The following ZNF100 variants were observed in gnomAD, a reference collection of about 807,000 sequenced individuals.
ZNF100 encodes zinc finger protein 100 (Y1).
In ZNF100, 12 loss-of-function variants were observed where a neutral mutation model predicts 15.8. The ratio of observed to expected loss-of-function variants is 0.76; its 90% CI spans 0.49 to 1.23. The LOEUF (loss-of-function observed/expected upper bound fraction) is 1.23, where lower values mean the gene tolerates loss of function less well. ZNF100 is among the 50% of genes most tolerant of loss of function. The probability of loss-of-function intolerance (pLI) is 0.00; values close to 1 mark genes in which losing one functional copy is unlikely to be tolerated. For missense variants in ZNF100, 670 were observed against 635.6 expected (o/e 1.05, Z -0.58); for synonymous variants, 226 against 214.8 (o/e 1.05, Z -0.45).
intron 2 of ZNF100, among the ~76,000 whole-genome samples, chr19:21,759,872 T>TA (rs2036451946): frequency 6.6e-6 from 1 of 152,172 alleles, no homozygotes; most frequent in Non-Finnish European, 1.5e-5. Context: ...GCCATTCTCT[T>TA]ATATCTCCAC....
At chr19:21,767,328 G>A in intron 1 of ZNF100, 99 bp downstream of exon 1, 2 of 1,594,618 alleles carry the variant, frequency 1.3e-6, no homozygotes, top group Non-Finnish European at 1.7e-6. Flanking sequence ...AGATTGTGAA[G>A]CTGACTGCGG....
intron 4 of ZNF100, among the ~76,000 whole-genome samples, chr19:21,737,927 A>C (rs1327493522): frequency 6.6e-6 from 1 of 152,112 alleles, no homozygotes; most frequent in South Asian, 2.1e-4. Context: ...AAACAACAAC[A>C]ACAAAAACTT....
chr19:21,728,649 T>C (rs893298095), intron 4 of ZNF100, among the ~76,000 whole-genome samples: 5 of 152,014 alleles, frequency 3.3e-5, no homozygotes, highest in Admixed American at 6.6e-5. Flanking sequence ...ACCAAGACGA[T>C]TGTTCAGACT....
At chr19:21,767,154 A>C (rs1310300217) in intron 1 of ZNF100, among the ~76,000 whole-genome samples, 3 of 152,188 alleles carry the variant, frequency 2.0e-5, no homozygotes, top group Non-Finnish European at 4.4e-5. Flanking sequence ...TCCCTGCACA[A>C]TCTGAGAGAG....
In ZNF100 at chr19:21,765,556, C is replaced by T. The variant is rs2036543872; in HGVS notation, c.96+138G>A. ...TATTTATTTCACTATTTTTCTGCCC[C>T]CCTTAGATGATCCAGGGAGCAGAAA... On this transcript the variant is annotated intron_variant, in intron 2 of 4. Coordinates refer to ENST00000358296, the MANE Select transcript of ZNF100 (RefSeq NM_173531.4). 6 of 717,526 alleles carry T rather than the reference C, an allele frequency of 8.4e-6. No homozygotes were observed. The East Asian group carries it at 1.3e-4, about 15-fold the overall frequency. The allele number at this position is 717,526 out of a possible 1,614,324, so 44.4% of individuals were successfully genotyped here.
Position 21,726,644 on chromosome 19 carries a change from G to C in ZNF100, c.*39C>G, listed in dbSNP as rs2035791375. 6.5e-7 allele frequency: 1 copy of C among 1,548,656 alleles called. No individual in the cohort carries two copies. The highest frequency in any genetic ancestry group is 8.7e-7 in the Non-Finnish European group (1 of 1,147,240). ...TCCAGTATGAATTTTTTTATGTTTA[G>C]TAAGAGTTGAGGACTGGTAAAAGGC... On this transcript the variant is annotated 3_prime_UTR_variant, in exon 5 of 5. Coordinates refer to ENST00000358296, the MANE Select transcript of ZNF100 (RefSeq NM_173531.4).
At chr19:21,757,466 T>G (rs76727921) in intron 2 of ZNF100, among the ~76,000 whole-genome samples, 1,799 of 152,238 alleles carry the variant, frequency 0.012, 17 homozygotes, top group Non-Finnish European at 0.016. Context: ...TAACAGATAC[T>G]GGCAAGGTTG....
chr19:21,751,586 G>T, intron 2 of ZNF100: 1 of 1,517,706 alleles, frequency 6.6e-7, no homozygotes, highest in Non-Finnish European at 9.2e-7. Flanking sequence ...GGTTTGGGAT[G>T]ATCAGGCTGT....
At chr19:21,762,660 C>A (rs1303034505) in intron 2 of ZNF100, among the ~76,000 whole-genome samples, 1 of 152,054 alleles carries the variant, frequency 6.6e-6, no homozygotes, top group African/African-American at 2.4e-5. Flanking sequence ...GATTGATCTT[C>A]GTCCCACTAC....
chr19:21,765,609 G>A (rs1241805797), intron 2 of ZNF100, 85 bp downstream of exon 2: 2 of 1,217,990 alleles, frequency 1.6e-6, no homozygotes, highest in Non-Finnish European at 2.4e-6. Flanking sequence ...CTCAATACCA[G>A]CATCTGATTG....
rs200533160 is a variant in ZNF100, at chr19:21,745,062, T to A, written c.102A>T (p.Pro34=). 4 of 1,611,278 alleles carry A rather than the reference T, an allele frequency of 2.5e-6. No homozygotes were observed. The African/African-American group carries it at 4.0e-5, about 16-fold the overall frequency. ...LLVQSYFEKG[P]LTFRDVAIEF... ...CTATGGCCACATCCCTAAACGTCAA[T>A]GGCCCCTGAAAAGCACAAGCACAGA... The change falls in exon 3 of 5, where the codon CCA becomes CCT. Residue 34 remains proline, a synonymous_variant. Transcript: ENST00000358296.
At chr19:21,737,208 A>T (rs748880452) in intron 4 of ZNF100, among the ~76,000 whole-genome samples, 3 of 152,112 alleles carry the variant, frequency 2.0e-5, no homozygotes, top group Non-Finnish European at 2.9e-5. Flanking sequence ...GATAAAGCAG[A>T]TATCAGCACT....
At chr19:21,744,287 A>T (rs1032691632) in intron 3 of ZNF100, among the ~76,000 whole-genome samples, 172 bp from the exon 4 acceptor site, 3 of 152,226 alleles carry the variant, frequency 2.0e-5, no homozygotes, top group Admixed American at 2.0e-4. Flanking sequence ...GTAGGTTCTT[A>T]ATTTCACTAC....
intron 3 of ZNF100, 31 bp from the exon 4 acceptor site, chr19:21,744,146 C>T (rs751839785): frequency 1.9e-6 from 3 of 1,560,874 alleles, no homozygotes; most frequent in Admixed American, 3.6e-5. Flanking sequence ...ATGAATCTTT[C>T]TCATATTCTC....
Position 21,765,645 on chromosome 19 carries a change from A to T in ZNF100, c.96+49T>A, listed in dbSNP as rs1224807100. ...GCTGACCAGCAACGTGTCTCCAAGAAATGAAAGCTGGGTTGGGTGAAGACA... is the reference window on the plus strand; with the variant it reads ...GCTGACCAGCAACGTGTCTCCAAGATATGAAAGCTGGGTTGGGTGAAGACA... On this transcript the variant is annotated intron_variant, in intron 2 of 4. Coordinates refer to ENST00000358296, the MANE Select transcript of ZNF100 (RefSeq NM_173531.4). 4 of 1,577,212 alleles carry T rather than the reference A, an allele frequency of 2.5e-6. No homozygotes were observed. The African/African-American group carries it at 4.0e-5, about 16-fold the overall frequency.
Position 21,744,973 on chromosome 19 carries a change from A to T in ZNF100, c.191T>A (p.Met64Lys). ...GACCAGGTTTCTGTAGTTCTCTAACATCACTTTCCTATACAAACCCTGCTG... is the reference window on the plus strand; with the variant it reads ...GACCAGGTTTCTGTAGTTCTCTAACTTCACTTTCCTATACAAACCCTGCTG... ...SAQQGLYRKVMLENYRNLVFL... is the reference protein window; with the variant it reads ...SAQQGLYRKVKLENYRNLVFL... The change falls in exon 3 of 5, where the codon ATG becomes AAG. Residue 64 changes from methionine to lysine, a missense_variant. Coordinates refer to ENST00000358296, the MANE Select transcript of ZNF100 (RefSeq NM_173531.4). 6.2e-7 allele frequency: 1 copy of T among 1,610,612 alleles called. No individual in the cohort carries two copies. The highest frequency in any genetic ancestry group is 8.5e-7 in the Non-Finnish European group (1 of 1,179,300).
rs181713737 is a variant in ZNF100 at position 21,748,051 on chromosome 19, A to G, written c.97-2984T>C. Among the ~76,000 whole-genome samples the G allele has an allele frequency of 4.6e-5, 7 of 152,292 alleles. No homozygotes were observed. The South Asian group carries it at 1.2e-3, about 27-fold the overall frequency. The stretch of plus-strand genomic sequence containing the variant: ...GAAAGAGTTTAAGAAATTTTTTTCT[A>G]TTTATATTTACTTGTCTGTGACTTG... On this transcript the variant is annotated intron_variant, in intron 2 of 4. Transcript: ENST00000358296.
rs978699013 is a variant in ZNF100, at chr19:21,726,638, T to C, written c.*45A>G. On this transcript the variant is annotated 3_prime_UTR_variant, in exon 5 of 5. Coordinates refer to ENST00000358296, the MANE Select transcript of ZNF100 (RefSeq NM_173531.4). ...GTTCCCTCCAGTATGAATTTTTTTATGTTTAGTAAGAGTTGAGGACTGGTA... is the reference window on the plus strand; with the variant it reads ...GTTCCCTCCAGTATGAATTTTTTTACGTTTAGTAAGAGTTGAGGACTGGTA... 4.0e-6 allele frequency: 6 copies of C among 1,506,684 alleles called. No homozygotes were observed. Among genetic ancestry groups the C allele is most frequent in the African/African-American group, 3.0e-5 (2 of 66,750 alleles). The allele number at this position is 1,506,684 out of a possible 1,614,324, so 93.3% of individuals were successfully genotyped here.
chr19:21,729,372 T>C (rs559017166), intron 4 of ZNF100, among the ~76,000 whole-genome samples: 23 of 141,860 alleles, frequency 1.6e-4, no homozygotes, highest in Admixed American at 1.1e-3. Flanking sequence ...TTGCTTCTAT[T>C]GAAAATAACA....
Sources: gnomAD v4.1 joint callset for allele counts (sites outside exome capture counted in the v4.1 genomes callset) on GRCh38, gnomAD v4.1.1 for gene constraint, MANE v1.5 for transcripts, NCBI Gene and HGNC (gene_info 2026-07-23, HGNC 2026-07-21) for gene names.